Variants in GPATCH2L observed in about 807,000 individuals in gnomAD.
The protein encoded by GPATCH2L is G patch domain-containing protein 2-like.
A neutral mutation model predicts 57.4 loss-of-function variants in GPATCH2L; 31 were observed. The ratio of observed to expected loss-of-function variants is 0.54; its 90% CI spans 0.41 to 0.73. The LOEUF (loss-of-function observed/expected upper bound fraction) is 0.73, where lower values mean the gene tolerates loss of function less well. Among genes scored for constraint, GPATCH2L ranks in the 30% least tolerant of loss-of-function variants. GPATCH2L has a pLI of 0.00. For synonymous variants in GPATCH2L, 199 were observed against 210.7 expected (o/e 0.94, Z 0.48); for missense variants, 481 against 599.9 (o/e 0.80, Z 2.07).
At chr14:76,194,019 A>G (rs1426871692) in intron 8 of GPATCH2L, among the ~76,000 whole-genome samples, 2 of 152,054 alleles carry the variant, frequency 1.3e-5, no homozygotes, top group Non-Finnish European at 2.9e-5. Flanking sequence ...GAGAAACACA[A>G]TTTTGTAGTG....
At chr14:76,187,025 G>GTTTT (rs34797876) in intron 8 of GPATCH2L, among the ~76,000 whole-genome samples, 1 of 147,934 alleles carries the variant, frequency 6.8e-6, no homozygotes, top group Admixed American at 6.7e-5. Context: ...ATTGTGAAGT[G>GTTTT]TTTTTTTTTT....
At position 76,204,594 on chromosome 14, in the gene GPATCH2L, T is replaced by C. The variant is rs548915470; in HGVS notation, c.*2743T>C. ...GTCGTAAGTTAAGAAAAATCTGTTATCTTTCAAAGAAGTTACGTAGTTTCA... is the reference window on the plus strand; with the variant it reads ...GTCGTAAGTTAAGAAAAATCTGTTACCTTTCAAAGAAGTTACGTAGTTTCA... On this transcript the variant is annotated 3_prime_UTR_variant, in exon 10 of 10. Coordinates refer to ENST00000261530, the MANE Select transcript of GPATCH2L (RefSeq NM_017926.4). 2 of 152,352 alleles carry C rather than the reference T, an allele frequency of 1.3e-5. No individual in the cohort carries two copies. The highest frequency in any genetic ancestry group is 6.5e-5 in the Admixed American group (1 of 15,310). The allele number at this position is 152,352 out of a possible 1,614,324, so 9.4% of individuals were successfully genotyped here. A position where few individuals can be genotyped will look rare whatever the true frequency, so the allele number is the denominator to read the frequency against.
chr14:76,231,742 A>G (rs1172154074), intron 2 of GPATCH2L, among the ~76,000 whole-genome samples: 1 of 152,174 alleles, frequency 6.6e-6, no homozygotes, highest in Admixed American at 6.6e-5. Flanking sequence ...ATAAAATCAT[A>G]TAATATTACC....
At chr14:76,216,647 C>A (rs1267706690), downstream of GPATCH2L, among the ~76,000 whole-genome samples, 1 of 152,136 alleles carries the variant, frequency 6.6e-6, no homozygotes, top group Non-Finnish European at 1.5e-5. Context: ...GGGACCCCCA[C>A]AATGCCATCA....
At chr14:76,232,648 A>G (rs937753484) in intron 2 of GPATCH2L, among the ~76,000 whole-genome samples, 1 of 152,198 alleles carries the variant, frequency 6.6e-6, no homozygotes, top group African/African-American at 2.4e-5. Context: ...ATGGGTTATT[A>G]CAGCTAAAGG....
intron 2 of GPATCH2L, among the ~76,000 whole-genome samples, chr14:76,161,917 T>C (rs998617950): frequency 2.0e-5 from 3 of 152,104 alleles, no homozygotes; most frequent in Non-Finnish European, 2.9e-5. Flanking sequence ...AGGCCTGTAA[T>C]CCTAGCTACT....
At chr14:76,161,153 C>G (rs975287888) in intron 2 of GPATCH2L, among the ~76,000 whole-genome samples, 1 of 152,156 alleles carries the variant, frequency 6.6e-6, no homozygotes, top group Non-Finnish European at 1.5e-5. Context: ...TGTGCCACCT[C>G]TACCCTGGAA....
At chr14:76,179,395 A>G (rs1251429570) in intron 7 of GPATCH2L, 1 of 152,230 alleles carries the variant, frequency 6.6e-6, no homozygotes, top group Non-Finnish European at 1.5e-5. Flanking sequence ...AAGGAAAGTC[A>G]TGAAGGTGGT....
intron 2 of GPATCH2L, among the ~76,000 whole-genome samples, chr14:76,233,642 A>G (rs2040585045): frequency 6.6e-6 from 1 of 152,174 alleles, no homozygotes; most frequent in African/African-American, 2.4e-5. Context: ...TTTATCTTTA[A>G]TATTTCAGTA....
At chr14:76,183,575 T>G (rs2039656139) in intron 8 of GPATCH2L, among the ~76,000 whole-genome samples, 1 of 152,224 alleles carries the variant, frequency 6.6e-6, no homozygotes, top group African/African-American at 2.4e-5. Flanking sequence ...TTTTTCAGAT[T>G]TTTTACTCAT....
At chr14:76,188,711 G>A (rs777786577) in intron 8 of GPATCH2L, among the ~76,000 whole-genome samples, 1 of 151,974 alleles carries the variant, frequency 6.6e-6, no homozygotes, top group Non-Finnish European at 1.5e-5. Context: ...TTAACTCAAT[G>A]TGATCCCATT....
Position 76,154,139 on chromosome 14 carries a change from G to A in GPATCH2L, c.-10-215G>A, listed in dbSNP as rs1041548784. ...ATGTTGACTTCAGGCATTTAACAAG[G>A]GACAAAACATCTATTTTTAGTGACT... is the stretch of plus-strand genomic sequence containing the variant. On this transcript the variant is annotated intron_variant, in intron 1 of 9. Coordinates refer to ENST00000261530, the MANE Select transcript of GPATCH2L (RefSeq NM_017926.4). The surrounding 1 kb of genome is among the most constrained non-coding windows in gnomAD (Gnocchi z 4.4). The A allele has an allele frequency of 9.4e-5, 43 of 457,462 alleles. No individual in the cohort carries two copies. The highest frequency in any genetic ancestry group is 1.5e-4 in the Non-Finnish European group (38 of 258,836). The allele number at this position is 457,462 out of a possible 1,614,324, so 28.3% of individuals were successfully genotyped here. A position where few individuals can be genotyped will look rare whatever the true frequency, so the allele number is the denominator to read the frequency against.
In GPATCH2L at chr14:76,212,075, A is replaced by T. The variant is rs1035518544; in HGVS notation, c.*10224A>T. 6.6e-5 allele frequency: 10 copies of T among 152,102 alleles called. No individual in the cohort carries two copies. The highest frequency in any genetic ancestry group is 1.3e-4 in the Non-Finnish European group (9 of 68,006). 9.4% of individuals were successfully genotyped at this position (152,102 alleles called of 1,614,324 possible). ...GGTATATTGACTAGTGAAATAGAGG[A>T]TTATGGGGATCATATGAAAATATGA... On this transcript the variant is annotated 3_prime_UTR_variant, in exon 10 of 10. Transcript: ENST00000261530.
chr14:76,154,327 T>C lies in GPATCH2L; in HGVS notation c.-10-27T>C, dbSNP rs752821496. On this transcript the variant is annotated intron_variant, in intron 1 of 9. Coordinates refer to ENST00000261530, the MANE Select transcript of GPATCH2L (RefSeq NM_017926.4). The surrounding 1 kb of genome is among the most constrained non-coding windows in gnomAD (Gnocchi z 4.4). ...TTTTTCTTTTTCTTTTCTTTCTTTC[T>C]TTTTTTCCTAAACTTCCTTTTGGCA... 9.2e-6 allele frequency: 14 copies of C among 1,516,596 alleles called. No individual in the cohort carries two copies. The South Asian group carries it at 1.6e-4, about 18-fold the overall frequency. The allele number at this position is 1,516,596 out of a possible 1,614,324, so 93.9% of individuals were successfully genotyped here. A position where few individuals can be genotyped will look rare whatever the true frequency, so the allele number is the denominator to read the frequency against.
At chr14:76,159,898 C>T (rs181163474) in intron 2 of GPATCH2L, among the ~76,000 whole-genome samples, 52 of 152,074 alleles carry the variant, frequency 3.4e-4, no homozygotes, top group Admixed American at 1.4e-3. Flanking sequence ...TTTGGGAGGC[C>T]GAGGCAGGTG....
intron 3 of GPATCH2L, chr14:76,170,723 C>G (rs1394088235): frequency 2.0e-5 from 3 of 152,068 alleles, no homozygotes; most frequent in Non-Finnish European, 4.4e-5. Context: ...AGAAATCCCT[C>G]AGGTATAGCT....
chr14:76,158,313 C>T (rs80120498), intron 2 of GPATCH2L, among the ~76,000 whole-genome samples: 115 of 152,304 alleles, frequency 7.6e-4, no homozygotes, highest in African/African-American at 2.4e-3. Context: ...TGACCTTCTG[C>T]GGCCCTTTGG....
intron 6 of GPATCH2L, 179 bp from the exon 7 acceptor site, chr14:76,177,809 C>T: frequency 1.3e-6 from 1 of 793,444 alleles, no homozygotes; most frequent in Non-Finnish European, 2.1e-6. Context: ...ATTATTCCAA[C>T]ATCTTATCTT....
At chr14:76,215,707 A>G (rs1380983630), downstream of GPATCH2L, among the ~76,000 whole-genome samples, 1 of 141,276 alleles carries the variant, frequency 7.1e-6, no homozygotes, top group East Asian at 2.2e-4. Flanking sequence ...ATAGGTGGGA[A>G]TTGAACAATG....
Sources: allele counts gnomAD v4.1 joint callset (sites outside exome capture counted in the v4.1 genomes callset), GRCh38; gene constraint gnomAD v4.1.1; non-coding constraint Gnocchi (gnomAD v3.1); transcripts MANE v1.5; gene names NCBI Gene and HGNC (gene_info 2026-07-23, HGNC 2026-07-21).